L3MBTL4: variants seen among roughly 807,000 people sequenced by gnomAD.
L3MBTL4 encodes the protein lethal(3)malignant brain tumor-like protein 4.
A neutral mutation model predicts 84.5 loss-of-function variants in L3MBTL4; 70 were observed. That is an observed-to-expected ratio of 0.83 (90% confidence interval 0.68 to 1.01). The LOEUF (loss-of-function observed/expected upper bound fraction) is 1.01, where lower values mean the gene tolerates loss of function less well. Ranked by LOEUF, L3MBTL4 falls within the 50% of genes least tolerant of loss-of-function variation. The pLI is 0.00. For missense variants in L3MBTL4, 715 were observed against 754.8 expected (o/e 0.95, Z 0.62); for synonymous variants, 274 against 259.8 (o/e 1.05, Z -0.52).
At chr18:6,340,202 C>T (rs2052541580) in intron 1 of L3MBTL4, among the ~76,000 whole-genome samples, 1 of 152,060 alleles carries the variant, frequency 6.6e-6, no homozygotes, top group South Asian at 2.1e-4. Context: ...ATAGCAAATG[C>T]CAGCCCTCAT....
At chr18:6,229,082 C>T (rs1024429039) in intron 10 of L3MBTL4, among the ~76,000 whole-genome samples, 2 of 152,006 alleles carry the variant, frequency 1.3e-5, no homozygotes, top group Admixed American at 6.6e-5. Context: ...AATAGATGCA[C>T]TAAATATTTT....
intron 15 of L3MBTL4, among the ~76,000 whole-genome samples, chr18:6,089,961 T>C (rs1475728907): frequency 2.0e-5 from 3 of 152,208 alleles, no homozygotes; most frequent in Non-Finnish European, 4.4e-5. Context: ...CTGCTTTGCC[T>C]AAATTACAAA....
At chr18:6,279,569 G>T (rs982390442) in intron 4 of L3MBTL4, among the ~76,000 whole-genome samples, 3 of 152,190 alleles carry the variant, frequency 2.0e-5, no homozygotes, top group African/African-American at 7.2e-5. Flanking sequence ...TGATGGTGAA[G>T]TCTGCAGTAA....
chr18:6,183,698 G>A (rs2044589508), intron 12 of L3MBTL4, among the ~76,000 whole-genome samples: 1 of 152,216 alleles, frequency 6.6e-6, no homozygotes, highest in Non-Finnish European at 1.5e-5. Flanking sequence ...GTTATACAGA[G>A]AGAGGATATT....
At chr18:6,369,301 T>C (rs2054063039) in intron 1 of L3MBTL4, among the ~76,000 whole-genome samples, 2 of 152,058 alleles carry the variant, frequency 1.3e-5, no homozygotes, top group South Asian at 4.2e-4. Context: ...ACAGAAGATA[T>C]AAGAAAGTAG....
chr18:6,005,272 G>A (rs1459492034), intron 16 of L3MBTL4, among the ~76,000 whole-genome samples: 3 of 151,708 alleles, frequency 2.0e-5, no homozygotes, highest in Non-Finnish European at 4.4e-5. Context: ...CTTGAACCCG[G>A]GAGGCAGAGG....
At chr18:6,317,539 A>G (rs2051171340) in intron 1 of L3MBTL4, among the ~76,000 whole-genome samples, 1 of 152,176 alleles carries the variant, frequency 6.6e-6, no homozygotes, top group Non-Finnish European at 1.5e-5. Flanking sequence ...TTGTTCACCC[A>G]ATCAAACAAA....
intron 4 of L3MBTL4, among the ~76,000 whole-genome samples, chr18:6,283,041 G>C (rs1318038925): frequency 1.3e-5 from 2 of 152,180 alleles, no homozygotes; most frequent in Non-Finnish European, 2.9e-5. Context: ...AGACCCACAG[G>C]TACAGGCTTT....
intron 16 of L3MBTL4, chr18:6,029,527 AG>A: frequency 1.0e-6 from 1 of 984,684 alleles, no homozygotes; most frequent in African/African-American, 1.7e-5. Flanking sequence ...TCTTAGGTGG[AG>A]GACATCAAGG....
At chr18:6,266,884 T>A (rs1033244610) in intron 4 of L3MBTL4, among the ~76,000 whole-genome samples, 31 of 151,976 alleles carry the variant, frequency 2.0e-4, no homozygotes, top group Admixed American at 7.2e-4. Flanking sequence ...GATCGTGCCA[T>A]TGCACTCCAG....
chr18:6,163,216 C>T (rs1161822393), intron 13 of L3MBTL4, among the ~76,000 whole-genome samples: 1 of 120,664 alleles, frequency 8.3e-6, no homozygotes, highest in South Asian at 2.8e-4. Context: ...GTAACAGAAT[C>T]GGTTTTGGAG....
At chr18:6,159,934 T>C (rs1041057573) in intron 13 of L3MBTL4, among the ~76,000 whole-genome samples, 1 of 152,264 alleles carries the variant, frequency 6.6e-6, no homozygotes, top group African/African-American at 2.4e-5. Context: ...TAAAAGCATT[T>C]CTACATAATC....
At chr18:5,995,431 A>C (rs1374174240) in intron 16 of L3MBTL4, among the ~76,000 whole-genome samples, 4 of 152,134 alleles carry the variant, frequency 2.6e-5, no homozygotes, top group Non-Finnish European at 5.9e-5. Context: ...AGAGTTATTT[A>C]CAAGGTAGTC....
chr18:6,242,293 G>C (rs2047484228), intron 7 of L3MBTL4, among the ~76,000 whole-genome samples: 1 of 152,108 alleles, frequency 6.6e-6, no homozygotes, highest in Admixed American at 6.5e-5. Flanking sequence ...ACACCACACT[G>C]CTTCCTCTGT....
At chr18:6,226,812 T>C (rs2046802851) in intron 10 of L3MBTL4, among the ~76,000 whole-genome samples, 1 of 151,672 alleles carries the variant, frequency 6.6e-6, no homozygotes, top group African/African-American at 2.4e-5. Flanking sequence ...CTTTAAAAAG[T>C]CAGGAAAATA....
intron 1 of L3MBTL4, among the ~76,000 whole-genome samples, chr18:6,320,019 T>C (rs2051321778): frequency 6.6e-6 from 1 of 151,710 alleles, no homozygotes; most frequent in African/African-American, 2.4e-5. Flanking sequence ...ATATATCACA[T>C]AAACAAAATT....
intron 16 of L3MBTL4, among the ~76,000 whole-genome samples, chr18:6,052,261 A>T (rs2056867626): frequency 6.6e-6 from 1 of 152,248 alleles, no homozygotes; most frequent in Non-Finnish European, 1.5e-5. Flanking sequence ...CCAACTGGAA[A>T]TTCCTATTAA....
At chr18:5,993,385 C>T (rs1482640752) in intron 16 of L3MBTL4, among the ~76,000 whole-genome samples, 1 of 152,154 alleles carries the variant, frequency 6.6e-6, no homozygotes, top group East Asian at 1.9e-4. Context: ...CTGAGCAAGC[C>T]ACGGGTCTCT....
intron 15 of L3MBTL4, among the ~76,000 whole-genome samples, chr18:6,088,693 GA>G (rs1410225070): frequency 6.6e-6 from 1 of 152,170 alleles, no homozygotes; most frequent in African/African-American, 2.4e-5. Flanking sequence ...TACTCACTTG[GA>G]AGGTGAATGT....
Sources: gnomAD v4.1 joint callset for allele counts (sites outside exome capture counted in the v4.1 genomes callset) on GRCh38, gnomAD v4.1.1 for gene constraint, MANE v1.5 for transcripts, NCBI Gene and HGNC (gene_info 2026-07-23, HGNC 2026-07-21) for gene names.